ADAMTS16: variants seen among roughly 807,000 people sequenced by gnomAD.
The protein encoded by ADAMTS16 is ADAM metallopeptidase with thrombospondin type 1 motif 16.
ADAMTS16 carries 94 observed loss-of-function variants against 145.8 expected under a neutral mutation model. The ratio of observed to expected loss-of-function variants is 0.64; its 90% CI spans 0.55 to 0.77. The LOEUF is 0.77. Ranked by LOEUF, ADAMTS16 falls within the 30% of genes least tolerant of loss-of-function variation. The pLI is 0.00. For synonymous variants in ADAMTS16, 659 were observed against 604.3 expected (o/e 1.09, Z -1.33); for missense variants, 1,585 against 1,591.5 (o/e 1.00, Z 0.07).
At chr5:5,246,564 G>T (rs138034904) in intron 17 of ADAMTS16, among the ~76,000 whole-genome samples, 1 of 152,126 alleles carries the variant, frequency 6.6e-6, no homozygotes, top group African/African-American at 2.4e-5. Context: ...TTGGGTGTTT[G>T]GATCTGAACC....
intron 18 of ADAMTS16, among the ~76,000 whole-genome samples, chr5:5,267,098 C>A (rs2399733): frequency 0.28 from 42,708 of 151,996 alleles, 6,074 homozygotes; most frequent in East Asian, 0.37. Flanking sequence ...GCAGGGTGTG[C>A]GATGAGGGCG....
chr5:5,159,600 GA>G (rs1734690300), intron 3 of ADAMTS16, among the ~76,000 whole-genome samples: 2 of 152,166 alleles, frequency 1.3e-5, no homozygotes, highest in African/African-American at 4.8e-5. Context: ...CAGAGTTAAG[GA>G]ACCAAGAGGT....
chr5:5,288,752 T>A (rs1739192858), intron 18 of ADAMTS16, among the ~76,000 whole-genome samples: 1 of 152,212 alleles, frequency 6.6e-6, no homozygotes, highest in Non-Finnish European at 1.5e-5. Context: ...CACGTCAGAT[T>A]TTTCTCCAGC....
Position 5,319,338 on chromosome 5 carries a change from G to A in ADAMTS16, c.*200G>A. ...GCAGACCTGTGTCCCCATGCACACA[G>A]TGTCTCCTGTCAGGCTGAAATGTGG... On this transcript the variant is annotated 3_prime_UTR_variant, in exon 23 of 23. Transcript: ENST00000274181. 1 of 558,470 alleles carries A rather than the reference G, an allele frequency of 1.8e-6. No individual in the cohort carries two copies. The highest frequency in any genetic ancestry group is 3.2e-6 in the Non-Finnish European group (1 of 310,678). 34.6% of individuals were successfully genotyped at this position (558,470 alleles called of 1,614,324 possible).
chr5:5,245,560 A>C (rs1238787897), intron 17 of ADAMTS16, among the ~76,000 whole-genome samples: 2 of 152,126 alleles, frequency 1.3e-5, no homozygotes, highest in Non-Finnish European at 2.9e-5. Flanking sequence ...TGAAACGTTT[A>C]AATCATCTTT....
intron 18 of ADAMTS16, among the ~76,000 whole-genome samples, chr5:5,286,306 T>C (rs977746696): frequency 3.3e-5 from 5 of 152,234 alleles, no homozygotes; most frequent in African/African-American, 7.2e-5. Context: ...CAATAAATTA[T>C]GCCAATGATA....
At chr5:5,275,002 C>G (rs1422856009) in intron 18 of ADAMTS16, among the ~76,000 whole-genome samples, 1 of 152,146 alleles carries the variant, frequency 6.6e-6, no homozygotes, top group African/African-American at 2.4e-5. Flanking sequence ...GCAAAACAAA[C>G]TGGTGGATAG....
chr5:5,169,697 C>T (rs954062379), intron 3 of ADAMTS16, among the ~76,000 whole-genome samples: 15 of 152,160 alleles, frequency 9.9e-5, no homozygotes, highest in African/African-American at 1.2e-4. Flanking sequence ...AGACCATTCA[C>T]GGGCTTCTTC....
rs376887582 is a variant in ADAMTS16 at position 5,186,239 on chromosome 5, G to A, written c.951G>A (p.Thr317=). Residue 317 remains threonine, a synonymous_variant, in exon 5 of 23, where the codon ACG becomes ACA. Coordinates refer to ENST00000274181, the MANE Select transcript of ADAMTS16 (RefSeq NM_139056.4). ...AAAATATCACCACCTACGTGCTCAC[G>A]ATACTCAACATGGTAGGATCATCCT... The part of the protein sequence containing the change: ...GHENITTYVL[T]ILNMVSALFK... 1.9e-5 allele frequency: 30 copies of A among 1,613,234 alleles called. No homozygotes were observed. Among genetic ancestry groups the A allele is most frequent in the Admixed American group, 3.3e-5 (2 of 59,954 alleles).
intron 18 of ADAMTS16, among the ~76,000 whole-genome samples, chr5:5,296,635 C>T (rs537787173): frequency 6.6e-6 from 1 of 152,138 alleles, no homozygotes; most frequent in African/African-American, 2.4e-5. Flanking sequence ...ACCCCTAACC[C>T]CTAGAGAGCC....
chr5:5,141,474 T>C (rs1215242874), intron 2 of ADAMTS16, among the ~76,000 whole-genome samples: 1 of 152,280 alleles, frequency 6.6e-6, no homozygotes, highest in African/African-American at 2.4e-5. Flanking sequence ...GTCTTCATAC[T>C]GCATCAGGTA....
chr5:5,258,108 A>G (rs1737857379), intron 17 of ADAMTS16, among the ~76,000 whole-genome samples: 1 of 152,188 alleles, frequency 6.6e-6, no homozygotes, highest in Admixed American at 6.5e-5. Flanking sequence ...CCAACTACCA[A>G]TCTCTCTGAA....
Position 5,214,820 on chromosome 5 carries a change from T to C in ADAMTS16, c.1605+5574T>C, listed in dbSNP as rs555314564. The stretch of plus-strand genomic sequence containing the variant: ...GATTTTTAAAAATTTTCTATGTGAA[T>C]TGAAACATCTCAGAACAATTTAAAC... On this transcript the variant is annotated intron_variant, in intron 10 of 22. Transcript: ENST00000274181. Among the ~76,000 whole-genome samples the C allele has an allele frequency of 3.3e-5, 5 of 152,382 alleles. No individual in the cohort carries two copies. The East Asian group carries it at 5.8e-4, about 18-fold the overall frequency.
chr5:5,191,663 T>G, intron 7 of ADAMTS16, 22 bp from the exon 8 acceptor site: 1 of 1,585,110 alleles, frequency 6.3e-7, no homozygotes, highest in African/African-American at 1.3e-5. Flanking sequence ...CTATGTGTTC[T>G]TTTGATCTTT....
intron 3 of ADAMTS16, among the ~76,000 whole-genome samples, chr5:5,180,134 C>A (rs916189580): frequency 2.0e-5 from 3 of 152,154 alleles, no homozygotes; most frequent in Admixed American, 2.0e-4. Context: ...AAGTAAGAAT[C>A]AGACCCAGGC....
Position 5,250,151 on chromosome 5 carries a change from G to A in ADAMTS16, c.2662+7960G>A, listed in dbSNP as rs573449139. Among the ~76,000 whole-genome samples the A allele has an allele frequency of 3.3e-5, 5 of 152,300 alleles. No individual in the cohort carries two copies. In the South Asian group the frequency reaches 8.3e-4, roughly 25 times the overall value. The stretch of plus-strand genomic sequence containing the variant: ...AGGCAACATTCTTGCAAGAAAACAG[G>A]AAGAGTTCTCACTTTGCGCTGTGGG... On this transcript the variant is annotated intron_variant, in intron 17 of 22. Coordinates refer to ENST00000274181, the MANE Select transcript of ADAMTS16 (RefSeq NM_139056.4).
Position 5,200,244 on chromosome 5 carries a change from C to T in ADAMTS16, c.1426C>T (p.Arg476Cys), listed in dbSNP as rs755888082. 52 of 1,613,938 alleles carry T rather than the reference C, an allele frequency of 3.2e-5. No individual in the cohort carries two copies. Among genetic ancestry groups the T allele is most frequent in the Non-Finnish European group, 4.1e-5 (48 of 1,179,982 alleles). The change falls in exon 9 of 23, where the codon CGC becomes TGC. Residue 476 changes from arginine to cysteine, a missense_variant. By Grantham distance (180) the Arg-to-Cys change is radical (BLOSUM62 -3). Coordinates refer to ENST00000274181, the MANE Select transcript of ADAMTS16 (RefSeq NM_139056.4). ...AGTCTTCTCCTGGTCACCCTGCAGCCGCCAGTATCTACACAAATTTCTAAG... is the reference window on the plus strand; with the variant it reads ...AGTCTTCTCCTGGTCACCCTGCAGCTGCCAGTATCTACACAAATTTCTAAG... Reference protein sequence around the residue: ...NGVFSWSPCSRQYLHKFLSTA... With the variant: ...NGVFSWSPCSCQYLHKFLSTA...
chr5:5,309,382 T>C (rs1740320981), intron 21 of ADAMTS16, among the ~76,000 whole-genome samples: 2 of 152,352 alleles, frequency 1.3e-5, no homozygotes, highest in South Asian at 2.1e-4. Flanking sequence ...GTTGGTTGAT[T>C]TCAGGGATGT....
chr5:5,200,352 CCCCAGGCTGTGCT>C (rs1767883545), intron 9 of ADAMTS16, 83 bp downstream of exon 9: 11 of 1,544,974 alleles, frequency 7.1e-6, no homozygotes, highest in African/African-American at 5.5e-5. Flanking sequence ...GTGCAAGCAG[CCCCAGGCTGTGCT>C]TCCTGATGTG....
Sources: gnomAD v4.1 joint callset for allele counts (sites outside exome capture counted in the v4.1 genomes callset) on GRCh38, gnomAD v4.1.1 for gene constraint, MANE v1.5 for transcripts, NCBI Gene and HGNC (gene_info 2026-07-23, HGNC 2026-07-21) for gene names.